Variants in AKT3 observed in about 807,000 individuals in gnomAD.
The protein encoded by AKT3 is RAC-gamma serine/threonine-protein kinase.
In AKT3, 15 loss-of-function variants were observed where a neutral mutation model predicts 65.3. The observed-to-expected ratio is 0.23, with a 90% confidence interval of 0.15 to 0.35. AKT3 has a LOEUF of 0.35. AKT3 is among the 10% of genes least tolerant of loss of function. AKT3 has a pLI of 1.00. For synonymous variants in AKT3, 206 were observed against 183.8 expected, an observed-to-expected ratio of 1.12 and a Z score of -0.98; for missense variants, 243 against 576.5, an observed-to-expected ratio of 0.42 and a Z score of 5.92.
chr1:243,502,769 G>A lies in AKT3; in HGVS notation c.*2480C>T, dbSNP rs1458252935. On this transcript the variant is annotated 3_prime_UTR_variant, in exon 14 of 14. Coordinates refer to ENST00000673466, the MANE Select transcript of AKT3 (RefSeq NM_005465.7). The stretch of plus-strand genomic sequence containing the variant: ...ATAGAAGTGACTGAGCCCCAGGCAT[G>A]GCTGGGAACTGAGAGCCAGTGTGAG... 4.3e-6 allele frequency: 1 copy of A among 233,214 alleles called. No individual in the cohort carries two copies. The highest frequency in any genetic ancestry group is 8.5e-6 in the Non-Finnish European group (1 of 118,062). 14.4% of individuals were successfully genotyped at this position (233,214 alleles called of 1,614,324 possible). A position where few individuals can be genotyped will look rare whatever the true frequency, so the allele number is the denominator to read the frequency against.
chr1:243,747,741 T>C (rs977080484), intron 2 of AKT3, among the ~76,000 whole-genome samples: 2 of 152,220 alleles, frequency 1.3e-5, no homozygotes, highest in African/African-American at 2.4e-5. Context: ...ATTAAACTTA[T>C]TGTAAACTGA....
intron 2 of AKT3, among the ~76,000 whole-genome samples, chr1:243,810,972 A>T (rs1325959748): frequency 6.6e-6 from 1 of 152,238 alleles, no homozygotes; most frequent in African/African-American, 2.4e-5. Flanking sequence ...AAAATTCAAC[A>T]GCCCTTCATG....
chr1:243,729,759 G>C (rs1687430607), intron 2 of AKT3, among the ~76,000 whole-genome samples: 1 of 152,086 alleles, frequency 6.6e-6, no homozygotes, highest in Non-Finnish European at 1.5e-5. Context: ...AAAAGATTAA[G>C]GAGACATAAA....
intron 4 of AKT3, among the ~76,000 whole-genome samples, chr1:243,650,544 TAC>T (rs1681228240): frequency 6.6e-6 from 1 of 152,194 alleles, no homozygotes; most frequent in Non-Finnish European, 1.5e-5. Context: ...TTTTAGGTCT[TAC>T]ATTTAAGTCT....
intron 2 of AKT3, among the ~76,000 whole-genome samples, chr1:243,723,227 C>A (rs1687019038): frequency 6.6e-6 from 1 of 152,140 alleles, no homozygotes; most frequent in Non-Finnish European, 1.5e-5. Context: ...GAGCATCTGT[C>A]CACCAACTGT....
At chr1:243,533,455 T>A (rs1425640502) in intron 12 of AKT3, among the ~76,000 whole-genome samples, 1 of 152,206 alleles carries the variant, frequency 6.6e-6, no homozygotes, top group Non-Finnish European at 1.5e-5. Flanking sequence ...AAAGTACCTA[T>A]GGCAATTGTA....
At position 243,499,830 on chromosome 1, in the gene AKT3, T is replaced by C; in HGVS notation, c.*5419A>G. ...AATAAATGATTTACAAAGAGATATT[T>C]ACATTCATCTGGTTTAGACTTAATA... is the stretch of plus-strand genomic sequence containing the variant. On this transcript the variant is annotated 3_prime_UTR_variant, in exon 14 of 14. Transcript: ENST00000673466. 6.3e-7 allele frequency: 1 copy of C among 1,586,148 alleles called. No homozygotes were observed.
intron 12 of AKT3, among the ~76,000 whole-genome samples, chr1:243,526,778 TTAAAAAAAAAAAAAAAAAAAA>T (rs1327907163): frequency 1.3e-4 from 7 of 55,726 alleles, no homozygotes; most frequent in East Asian, 6.0e-4. Context: ...CAAAAAATGG[TTAAAAAAAAAAAAAAAAAAAA>T]AAAAAAAAAA....
At chr1:243,790,094 C>G (rs1379979642) in intron 2 of AKT3, among the ~76,000 whole-genome samples, 1 of 152,168 alleles carries the variant, frequency 6.6e-6, no homozygotes, top group Non-Finnish European at 1.5e-5. Context: ...TAAAGGAGCA[C>G]TGACTTCAAC....
chr1:243,652,915 T>C (rs1681483438), intron 4 of AKT3, among the ~76,000 whole-genome samples: 1 of 151,504 alleles, frequency 6.6e-6, no homozygotes, highest in Non-Finnish European at 1.5e-5. Context: ...CTAACTATCC[T>C]AAATATAGAC....
chr1:243,836,299 G>A (rs1020539769), intron 2 of AKT3, among the ~76,000 whole-genome samples: 4 of 151,772 alleles, frequency 2.6e-5, no homozygotes, highest in African/African-American at 9.7e-5. Flanking sequence ...AGAAAAAGGT[G>A]AACATTTCAT....
chr1:243,810,150 C>T (rs1046878983), intron 2 of AKT3, among the ~76,000 whole-genome samples: 6 of 152,064 alleles, frequency 3.9e-5, no homozygotes, highest in African/African-American at 1.4e-4. Flanking sequence ...CAAAAGCTAG[C>T]AGAAGGCAAC....
At position 243,798,393 on chromosome 1, in the gene AKT3, ATTTT is replaced by A. The variant is rs759264137; in HGVS notation, c.46+44728_46+44731del. Reference sequence around the variant, plus strand: ...CACCACTACACCTGGCTAATTTTTAATTTTTTTTTTTTTTTTTTTTTTTTGTTTT... The same window carrying A: ...CACCACTACACCTGGCTAATTTTTAATTTTTTTTTTTTTTTTTTTTGTTTT... On this transcript the variant is annotated intron_variant, in intron 2 of 13. Transcript: ENST00000673466. 4.8e-5 allele frequency among the ~76,000 whole-genome samples: 4 copies of A among 83,324 alleles called. No homozygotes were observed. In the Admixed American group the frequency reaches 5.7e-4, roughly 12 times the overall value. 54.7% of individuals were successfully genotyped at this position (83,324 alleles called of 152,430 possible). A position where few individuals can be genotyped will look rare whatever the true frequency, so the allele number is the denominator to read the frequency against.
chr1:243,627,095 T>C (rs1419775943), intron 6 of AKT3, among the ~76,000 whole-genome samples: 1 of 152,228 alleles, frequency 6.6e-6, no homozygotes, highest in Admixed American at 6.5e-5. Flanking sequence ...GAATTATTCA[T>C]GAAAACTCAC....
chr1:243,727,289 GTTGATTGA>G (rs753057854), intron 2 of AKT3, among the ~76,000 whole-genome samples: 5 of 152,102 alleles, frequency 3.3e-5, no homozygotes, highest in East Asian at 1.9e-4. Context: ...AAGTAAGTTA[GTTGATTGA>G]TTGATTGATT....
intron 13 of AKT3, among the ~76,000 whole-genome samples, chr1:243,491,820 AG>A (rs917196004): frequency 6.6e-6 from 1 of 152,132 alleles, no homozygotes; most frequent in Non-Finnish European, 1.5e-5. Context: ...TGGGCAGCTG[AG>A]GGTTAGAGCT....
intron 13 of AKT3, among the ~76,000 whole-genome samples, chr1:243,505,845 A>G (rs1431655987): frequency 6.6e-6 from 1 of 152,236 alleles, no homozygotes; most frequent in Non-Finnish European, 1.5e-5. Context: ...CACCTTTCCC[A>G]ATTTCCCTAT....
At chr1:243,488,645 G>C (rs1174820663) in intron 13 of AKT3, among the ~76,000 whole-genome samples, 1 of 152,218 alleles carries the variant, frequency 6.6e-6, no homozygotes, top group African/African-American at 2.4e-5. Flanking sequence ...CCCAGCCGGG[G>C]CGGCCGTCTG....
At chr1:243,509,618 G>GC (rs1669894998) in intron 13 of AKT3, among the ~76,000 whole-genome samples, 1 of 152,038 alleles carries the variant, frequency 6.6e-6, no homozygotes, top group Non-Finnish European at 1.5e-5. Flanking sequence ...CTGTCCGCCG[G>GC]CCCTCCACTA....
Sources: gnomAD v4.1 joint callset for allele counts (sites outside exome capture counted in the v4.1 genomes callset) on GRCh38, gnomAD v4.1.1 for gene constraint, MANE v1.5 for transcripts, NCBI Gene and HGNC (gene_info 2026-07-23, HGNC 2026-07-21) for gene names.